Variants in ZMAT4 observed in about 807,000 individuals in gnomAD.
ZMAT4 encodes zinc finger matrin-type 4, also known as zinc finger matrin-type protein 4.
Under a neutral mutation model 28.7 loss-of-function variants are expected in ZMAT4, and 17 were observed. The ratio of observed to expected loss-of-function variants is 0.59; its 90% CI spans 0.41 to 0.89. The LOEUF is 0.89. Ranked by LOEUF, ZMAT4 falls within the 40% of genes least tolerant of loss-of-function variation. The pLI, the probability that ZMAT4 is intolerant of heterozygous loss-of-function variation, is 0.00. For synonymous variants in ZMAT4, 117 were observed against 109.2 expected, an observed-to-expected ratio of 1.07 and a Z score of -0.44; for missense variants, 240 against 283.8, an observed-to-expected ratio of 0.85 and a Z score of 1.11.
At chr8:40,777,787 C>A (rs1188481257) in intron 2 of ZMAT4, among the ~76,000 whole-genome samples, 2 of 152,210 alleles carry the variant, frequency 1.3e-5, no homozygotes, top group Non-Finnish European at 2.9e-5. Flanking sequence ...CAGACAACCC[C>A]AATAAGGTCA....
At chr8:40,876,919 C>A (rs987674082) in intron 1 of ZMAT4, among the ~76,000 whole-genome samples, 1 of 152,162 alleles carries the variant, frequency 6.6e-6, no homozygotes, top group Admixed American at 6.5e-5. Context: ...GAAGCATTAC[C>A]TAAAAGACTC....
intron 2 of ZMAT4, among the ~76,000 whole-genome samples, chr8:40,801,812 T>A (rs1814862579): frequency 6.6e-6 from 1 of 152,120 alleles, no homozygotes; most frequent in African/African-American, 2.4e-5. Flanking sequence ...CCTATGAACA[T>A]AGATGCAAAA....
rs117698345 is a variant in ZMAT4 at position 40,599,347 on chromosome 8, T to G, written c.578-18086A>C. On this transcript the variant is annotated intron_variant, in intron 5 of 6. Transcript: ENST00000297737. ...CTCATTGTCAAATACATCACACATA[T>G]GTACACACACATACATATGTATACA... 4.6e-5 allele frequency among the ~76,000 whole-genome samples: 7 copies of G among 152,282 alleles called. No individual in the cohort carries two copies. The South Asian group carries it at 1.5e-3, about 32-fold the overall frequency.
chr8:40,712,655 G>A (rs1810675185), intron 3 of ZMAT4, among the ~76,000 whole-genome samples: 1 of 152,202 alleles, frequency 6.6e-6, no homozygotes, highest in South Asian at 2.1e-4. Flanking sequence ...TGGGCAGACA[G>A]GGAAGCTCCA....
At chr8:40,828,699 T>G (rs1055932818) in intron 1 of ZMAT4, among the ~76,000 whole-genome samples, 14 of 152,352 alleles carry the variant, frequency 9.2e-5, no homozygotes, top group Admixed American at 6.5e-4. Context: ...GTGGAATATC[T>G]GAACAAGTCA....
intron 4 of ZMAT4, among the ~76,000 whole-genome samples, chr8:40,695,612 T>C (rs1448637097): frequency 6.6e-6 from 1 of 152,210 alleles, no homozygotes; most frequent in Admixed American, 6.5e-5. Context: ...CTTCGCTTTT[T>C]CCTTTTCCTT....
intron 2 of ZMAT4, among the ~76,000 whole-genome samples, chr8:40,822,204 C>T (rs542227779): frequency 1.3e-5 from 2 of 152,310 alleles, no homozygotes; most frequent in East Asian, 3.9e-4. Flanking sequence ...ACTGAACTAT[C>T]GGTGACTTTT....
At chr8:40,604,242 A>T (rs186036389) in intron 5 of ZMAT4, among the ~76,000 whole-genome samples, 290 of 152,218 alleles carry the variant, frequency 1.9e-3, no homozygotes, top group Non-Finnish European at 3.3e-3. Flanking sequence ...TCTGGCTAGG[A>T]CTTCTAGTAC....
chr8:40,669,944 G>C (rs1411843136), intron 5 of ZMAT4, among the ~76,000 whole-genome samples: 1 of 152,148 alleles, frequency 6.6e-6, no homozygotes, highest in East Asian at 1.9e-4. Context: ...TCATGGATTG[G>C]AAGACTCGAT....
chr8:40,545,620 G>T (rs1042254438), intron 6 of ZMAT4, among the ~76,000 whole-genome samples: 1 of 152,142 alleles, frequency 6.6e-6, no homozygotes, highest in Non-Finnish European at 1.5e-5. Flanking sequence ...AGAAAGCCAT[G>T]TGAAGACTGG....
At chr8:40,575,771 G>A (rs905003400) in intron 6 of ZMAT4, among the ~76,000 whole-genome samples, 4 of 151,726 alleles carry the variant, frequency 2.6e-5, no homozygotes, top group African/African-American at 9.7e-5. Flanking sequence ...AAGGAAACAT[G>A]ACACCTCCAA....
intron 5 of ZMAT4, among the ~76,000 whole-genome samples, chr8:40,591,158 C>G (rs966316972): frequency 3.9e-5 from 6 of 152,040 alleles, no homozygotes; most frequent in Admixed American, 2.0e-4. Context: ...TGCTGGTGGA[C>G]CAGGGAGTCA....
At chr8:40,546,711 G>C (rs185283394) in intron 6 of ZMAT4, among the ~76,000 whole-genome samples, 284 of 152,294 alleles carry the variant, frequency 1.9e-3, no homozygotes, top group African/African-American at 6.5e-3. Context: ...CCTGGTGACA[G>C]ACACAGAAAG....
chr8:40,798,600 C>T (rs908464535), intron 2 of ZMAT4, among the ~76,000 whole-genome samples: 5 of 152,180 alleles, frequency 3.3e-5, no homozygotes, highest in African/African-American at 1.2e-4. Context: ...CCTGCTGATG[C>T]TCCTGGTAGT....
At chr8:40,782,500 C>T (rs2150572989) in intron 2 of ZMAT4, among the ~76,000 whole-genome samples, 1 of 152,230 alleles carries the variant, frequency 6.6e-6, no homozygotes, top group Non-Finnish European at 1.5e-5. Context: ...GGACTTTTAT[C>T]CCAAATGTGT....
intron 2 of ZMAT4, among the ~76,000 whole-genome samples, chr8:40,785,770 C>A (rs977441979): frequency 3.3e-5 from 5 of 152,168 alleles, no homozygotes; most frequent in African/African-American, 1.2e-4. Flanking sequence ...ATAAAGTCTT[C>A]ATCCTAACGT....
At chr8:40,801,857 A>G (rs552198545) in intron 2 of ZMAT4, among the ~76,000 whole-genome samples, 2 of 152,182 alleles carry the variant, frequency 1.3e-5, no homozygotes, top group African/African-American at 2.4e-5. Flanking sequence ...TAAATCCAAC[A>G]ATGTACAAAA....
intron 5 of ZMAT4, among the ~76,000 whole-genome samples, chr8:40,593,196 G>C (rs1331032749): frequency 6.6e-6 from 1 of 152,164 alleles, no homozygotes; most frequent in Admixed American, 6.5e-5. Context: ...TTTATGTAAA[G>C]TGTTTTCATA....
chr8:40,635,623 G>T (rs147207953), intron 5 of ZMAT4, among the ~76,000 whole-genome samples: 16 of 152,328 alleles, frequency 1.1e-4, no homozygotes, highest in African/African-American at 3.6e-4. Context: ...CAGTGAGGGC[G>T]TGGTGGCAAT....
Sources: allele counts gnomAD v4.1 joint callset (sites outside exome capture counted in the v4.1 genomes callset), GRCh38; gene constraint gnomAD v4.1.1; transcripts MANE v1.5; gene names NCBI Gene and HGNC (gene_info 2026-07-23, HGNC 2026-07-21).